ATAD2: variants seen among roughly 807,000 people sequenced by gnomAD.
ATAD2 encodes the protein ATPase family AAA domain containing 2, also known as ATPase family AAA domain-containing protein 2.
Under a neutral mutation model 168.9 loss-of-function variants are expected in ATAD2, and 62 were observed. That is an observed-to-expected ratio of 0.37 (90% CI 0.30 to 0.45). The LOEUF (loss-of-function observed/expected upper bound fraction) is 0.45, where lower values mean the gene tolerates loss of function less well. Among genes scored for constraint, ATAD2 ranks in the 20% least tolerant of loss-of-function variants. The pLI is 1.00. For synonymous variants in ATAD2, 613 were observed against 571.6 expected (o/e 1.07, Z -1.03); for missense variants, 1,419 against 1,667.8 (o/e 0.85, Z 2.60).
intron 24 of ATAD2, among the ~76,000 whole-genome samples, chr8:123,331,024 A>T (rs895191294): frequency 6.6e-6 from 1 of 151,986 alleles, no homozygotes; most frequent in Non-Finnish European, 1.5e-5. Flanking sequence ...ACTGGGTTCA[A>T]GCAATTCTCT....
chr8:123,380,885 A>G (rs948234854), intron 1 of ATAD2: 48 of 539,734 alleles, frequency 8.9e-5, no homozygotes, highest in Non-Finnish European at 1.3e-4. Context: ...AGCAGCTAAT[A>G]TAAGATTTAC....
In ATAD2 at chr8:123,326,480, G is replaced by A. The variant is rs1827617861; in HGVS notation, c.3869-454C>T. ...AGTCCAGGAGTTCAAGACCAGCCTG[G>A]GCAACATGGGAAAACCCCATCTCTT... On this transcript the variant is annotated intron_variant, in intron 25 of 27. Coordinates refer to ENST00000287394, the MANE Select transcript of ATAD2 (RefSeq NM_014109.4). 2.0e-5 allele frequency among the ~76,000 whole-genome samples: 3 copies of A among 151,696 alleles called. No individual in the cohort carries two copies. In the South Asian group the frequency reaches 6.2e-4, roughly 32 times the overall value.
At chr8:123,379,880 T>C (rs76265765) in intron 2 of ATAD2, among the ~76,000 whole-genome samples, 3,661 of 133,410 alleles carry the variant, frequency 0.027, 139 homozygotes, top group African/African-American at 0.089. Context: ...GTATTATTAT[T>C]ATTATTATTA....
upstream of ATAD2, chr8:123,400,566 C>A: frequency 4.0e-6 from 2 of 497,740 alleles, no homozygotes; most frequent in South Asian, 3.5e-5. This position sits in a 1 kb window ranked among gnomAD's most constrained non-coding sequence, Gnocchi z 4.5. Flanking sequence ...GTCGCCGGGT[C>A]TCTGGCAGCC....
chr8:123,332,011 G>A (rs566507226), intron 24 of ATAD2, among the ~76,000 whole-genome samples: 9 of 152,192 alleles, frequency 5.9e-5, no homozygotes, highest in African/African-American at 1.9e-4. Context: ...GACTGCAAAT[G>A]GTGCTATGTA....
intron 8 of ATAD2, among the ~76,000 whole-genome samples, chr8:123,361,924 A>G (rs1427854740): frequency 1.3e-5 from 2 of 152,224 alleles, no homozygotes; most frequent in East Asian, 3.9e-4. Flanking sequence ...TAGTCTTGAT[A>G]TAAATCAGTT....
At chr8:123,380,401 C>T in intron 2 of ATAD2, 128 bp downstream of exon 2, 1 of 1,018,796 alleles carries the variant, frequency 9.8e-7, no homozygotes. Flanking sequence ...CATTTATTTT[C>T]AAATAAACTA....
intron 20 of ATAD2, among the ~76,000 whole-genome samples, chr8:123,338,075 A>C (rs1018832578): frequency 1.3e-5 from 2 of 152,158 alleles, no homozygotes; most frequent in Non-Finnish European, 2.9e-5. Flanking sequence ...TTTAAGAGGC[A>C]GCCGGGTGTG....
chr8:123,401,753 GC>G, intron 1 of ATAD2: 1 of 746,318 alleles, frequency 1.3e-6, no homozygotes, highest in Admixed American at 1.8e-5. Flanking sequence ...CACCTCGGAG[GC>G]CCCCAGCGAA....
chr8:123,371,325 C>T lies in ATAD2; in HGVS notation c.550G>A (p.Val184Ile). Residue 184 changes from valine to isoleucine, a missense_variant, in exon 5 of 28, where the codon GTA (valine) becomes ATA (isoleucine). This residue lies in a region of ATAD2 where 419 missense variants were observed against 423.5 expected (regional missense o/e 0.99). Transcript: ENST00000287394. ...TTCATGTCATCCATTTTTTGAAGTA[C>T]AGCTTCAGCAGTGCTTTAAAAAAAA... Reference protein sequence around the residue: ...DKLITNTAEAVLQKMDDMKKM... With the variant: ...DKLITNTAEAILQKMDDMKKM... 1.9e-6 allele frequency: 3 copies of T among 1,598,336 alleles called. No individual in the cohort carries two copies. Among genetic ancestry groups the T allele is most frequent in the Non-Finnish European group, 2.6e-6 (3 of 1,174,258 alleles).
At chr8:123,405,463 C>T (rs866891698) in intron 1 of ATAD2, among the ~76,000 whole-genome samples, 8 of 151,698 alleles carry the variant, frequency 5.3e-5, no homozygotes, top group African/African-American at 1.9e-4. Flanking sequence ...GGGGTTTCAC[C>T]ATATCGGCCA....
Position 123,347,138 on chromosome 8 carries a change from T to A in ATAD2, c.2166A>T (p.Arg722Ser), listed in dbSNP as rs761019290. Residue 722 changes from arginine (R) to serine (S), a missense_variant, in exon 16 of 28, where the codon AGA (arginine) becomes AGT (serine). By Grantham distance (110) the Arg-to-Ser change is moderately radical. This residue lies in a region of ATAD2 where 545 missense variants were observed against 724.9 expected (regional missense o/e 0.75). Transcript: ENST00000287394. ...TVDKILEALQ[R>S]VFPHAEFRTN... ...TTCTGAATTCTGCATGTGGAAATAC[T>A]CTCTGCAGGGCTTCTAAAATCTTGT... 3.1e-6 allele frequency: 5 copies of A among 1,614,024 alleles called. No homozygotes were observed. In the African/African-American group the frequency reaches 6.7e-5, roughly 22 times the overall value.
At chr8:123,401,062 A>G, upstream of ATAD2, 13 of 1,573,538 alleles carry the variant, frequency 8.3e-6, no homozygotes, top group Non-Finnish European at 1.0e-5. Flanking sequence ...TTCCCGAGAC[A>G]TCGACTTTCT....
chr8:123,370,283 A>C (rs769861903), intron 6 of ATAD2, among the ~76,000 whole-genome samples: 1 of 152,118 alleles, frequency 6.6e-6, no homozygotes, highest in Non-Finnish European at 1.5e-5. Flanking sequence ...TTTGAAGGCT[A>C]CTGTTAAGCA....
At position 123,323,167 on chromosome 8, in the gene ATAD2, G is replaced by C. The variant is rs1827521090; in HGVS notation, c.4003-101C>G. The stretch of plus-strand genomic sequence containing the variant: ...GGCAATTATTACAAGCCTGACAGAG[G>C]GTAGACCAAGCCATCTGATGACACA... On this transcript the variant is annotated intron_variant, in intron 26 of 27. Coordinates refer to ENST00000287394, the MANE Select transcript of ATAD2 (RefSeq NM_014109.4). 5.5e-6 allele frequency: 7 copies of C among 1,270,212 alleles called. No homozygotes were observed. The Admixed American group carries it at 1.1e-4, about 20-fold the overall frequency. The allele number at this position is 1,270,212 out of a possible 1,614,324, so 78.7% of individuals were successfully genotyped here.
chr8:123,379,589 G>A (rs1829429069), intron 2 of ATAD2, among the ~76,000 whole-genome samples: 2 of 145,764 alleles, frequency 1.4e-5, no homozygotes, highest in South Asian at 4.3e-4. Context: ...TGGAGATGGA[G>A]TCTTGCTTTG....
chr8:123,329,603 A>T (rs1051557733), intron 24 of ATAD2, among the ~76,000 whole-genome samples: 2 of 152,054 alleles, frequency 1.3e-5, no homozygotes, highest in Admixed American at 6.6e-5. Context: ...GCTACAAAAA[A>T]TACAAAAAAA....
At chr8:123,395,642 GTCT>G (rs1812787195) in intron 1 of ATAD2, among the ~76,000 whole-genome samples, 1 of 152,146 alleles carries the variant, frequency 6.6e-6, no homozygotes, top group South Asian at 2.1e-4. Context: ...TGAAATGTTG[GTCT>G]TCATCCCTCC....
Position 123,328,413 on chromosome 8 carries a change from G to C in ATAD2, c.3645C>G (p.Thr1215=), listed in dbSNP as rs772500765. 8.7e-6 allele frequency: 14 copies of C among 1,602,220 alleles called. No homozygotes were observed. The highest frequency in any genetic ancestry group is 1.2e-5 in the Non-Finnish European group (14 of 1,175,330). Residue 1215 remains threonine (T), a synonymous_variant, in exon 25 of 28, where the codon ACC becomes ACG. Coordinates refer to ENST00000287394, the MANE Select transcript of ATAD2 (RefSeq NM_014109.4). ...TQDTSVDHNE[T]GNTGESSVEE... is the part of the protein sequence containing the mutation. ...CCACCGAAGACTCTCCTGTGTTTCC[G>C]GTCTCATTATGATCTACACTTGTGT...
Sources: gnomAD v4.1 joint callset for allele counts (sites outside exome capture counted in the v4.1 genomes callset) on GRCh38, gnomAD v4.1.1 for gene constraint, gnomAD v4.1.1 regional missense constraint, Gnocchi (gnomAD v3.1) non-coding constraint, MANE v1.5 for transcripts, NCBI Gene and HGNC (gene_info 2026-07-23, HGNC 2026-07-21) for gene names.